PEX7: variants seen among roughly 807,000 people sequenced by gnomAD.
PEX7 encodes peroxisomal biogenesis factor 7.
In PEX7, 34 loss-of-function variants were observed where a neutral mutation model predicts 47.5. The ratio of observed to expected loss-of-function variants is 0.72; its 90% CI spans 0.54 to 0.95. The LOEUF (loss-of-function observed/expected upper bound fraction) is 0.95. PEX7 is among the 40% of genes least tolerant of loss of function. The pLI is 0.00. For missense variants in PEX7, 394 were observed against 400.3 expected (o/e 0.98, Z 0.13); for synonymous variants, 141 against 148.8 (o/e 0.95, Z 0.38).
chr6:136,902,964 T>C (rs1240171610), intron 9 of PEX7, among the ~76,000 whole-genome samples: 2 of 152,198 alleles, frequency 1.3e-5, no homozygotes, highest in Non-Finnish European at 2.9e-5. Context: ...GACAAAATTT[T>C]GGAAATTACA....
In PEX7 at chr6:136,896,216, A is replaced by G. The variant is rs528231600; in HGVS notation, c.804-1926A>G. Among the ~76,000 whole-genome samples, 13 of 152,324 alleles carry G rather than the reference A, an allele frequency of 8.5e-5. No homozygotes were observed. The East Asian group carries it at 2.3e-3, about 27-fold the overall frequency. The stretch of plus-strand genomic sequence containing the variant: ...ATTCTCGTTGTTTTGTATTATCCTT[A>G]CGTTCTAAAAGAAACCAGTTTTTAT... On this transcript the variant is annotated intron_variant, in intron 8 of 9. Transcript: ENST00000318471.
At chr6:136,831,166 C>G (rs899605951) in intron 3 of PEX7, among the ~76,000 whole-genome samples, 1 of 152,054 alleles carries the variant, frequency 6.6e-6, no homozygotes, top group Admixed American at 6.6e-5. Flanking sequence ...ACTCACAGTT[C>G]CACATGACTG....
intron 8 of PEX7, among the ~76,000 whole-genome samples, chr6:136,876,971 C>A (rs574831839): frequency 6.6e-6 from 1 of 152,196 alleles, no homozygotes; most frequent in Admixed American, 6.5e-5. Context: ...TAAAAGCCTT[C>A]GTATTTCTCC....
intron 8 of PEX7, among the ~76,000 whole-genome samples, chr6:136,886,671 A>C (rs1247024793): frequency 6.6e-6 from 1 of 152,176 alleles, no homozygotes; most frequent in African/African-American, 2.4e-5. Context: ...GTGAAGTAGG[A>C]GAGTGAACCT....
At chr6:136,904,823 T>C (rs910905264) in intron 9 of PEX7, among the ~76,000 whole-genome samples, 1 of 152,170 alleles carries the variant, frequency 6.6e-6, no homozygotes, top group Non-Finnish European at 1.5e-5. Flanking sequence ...CTTGCAATTA[T>C]GGCATCCCTT....
At chr6:136,837,029 T>G (rs552268295) in intron 3 of PEX7, among the ~76,000 whole-genome samples, 2 of 151,948 alleles carry the variant, frequency 1.3e-5, no homozygotes, top group Non-Finnish European at 2.9e-5. Context: ...TTGAAACTCA[T>G]ATGTACCTTG....
chr6:136,838,027 A>G (rs1334613132), intron 3 of PEX7, among the ~76,000 whole-genome samples: 1 of 152,218 alleles, frequency 6.6e-6, no homozygotes. Context: ...AAAATAGTTG[A>G]TAAGAAAAGT....
chr6:136,837,043 G>A (rs1007761534), intron 3 of PEX7, among the ~76,000 whole-genome samples: 2 of 151,910 alleles, frequency 1.3e-5, no homozygotes, highest in African/African-American at 4.8e-5. Flanking sequence ...TACCTTGTAG[G>A]ATAAGGCATA....
At chr6:136,847,748 C>A (rs960424381) in intron 5 of PEX7, among the ~76,000 whole-genome samples, 12 of 152,142 alleles carry the variant, frequency 7.9e-5, no homozygotes, top group Admixed American at 3.9e-4. Flanking sequence ...ATTACTGTAG[C>A]CTTGTAGTAT....
intron 8 of PEX7, among the ~76,000 whole-genome samples, chr6:136,892,625 C>A (rs904587620): frequency 1.3e-5 from 2 of 152,138 alleles, no homozygotes; most frequent in African/African-American, 4.8e-5. Flanking sequence ...CTTTGGTTGA[C>A]CATGTGGCAG....
intron 5 of PEX7, among the ~76,000 whole-genome samples, chr6:136,847,551 CT>C (rs1482304571): frequency 2.6e-5 from 4 of 151,400 alleles, no homozygotes; most frequent in African/African-American, 9.7e-5. Context: ...CCAGTTTCAG[CT>C]TTCTACATAT....
Position 136,822,622 on chromosome 6 carries a change from G to A in PEX7, c.-44G>A, listed in dbSNP as rs1205307245. The A allele has an allele frequency of 6.1e-5, 93 of 1,512,764 alleles. No individual in the cohort carries two copies. Among genetic ancestry groups the A allele is most frequent in the Non-Finnish European group, 7.6e-5 (86 of 1,129,912 alleles). 93.7% of individuals were successfully genotyped at this position (1,512,764 alleles called of 1,614,324 possible). A position where few individuals can be genotyped will look rare whatever the true frequency, so the allele number is the denominator to read the frequency against. ...CGCCAGTGTGCCTCCGACTCGGAAC[G>A]GCTTCCGCGGCCGGGGCAGCGAGGG... On this transcript the variant is annotated 5_prime_UTR_variant, in exon 1 of 10. Coordinates refer to ENST00000318471, the MANE Select transcript of PEX7 (RefSeq NM_000288.4).
At chr6:136,823,469 G>T (rs889430254) in intron 1 of PEX7, 19 of 466,746 alleles carry the variant, frequency 4.1e-5, no homozygotes, top group Non-Finnish European at 5.3e-5. Context: ...GAGGCGGGAG[G>T]ATCGCTTGAG....
In PEX7 at chr6:136,866,658, G is replaced by A. The variant is rs760551216; in HGVS notation, c.558G>A (p.Lys186=). 1.2e-6 allele frequency: 2 copies of A among 1,614,012 alleles called. No individual in the cohort carries two copies. Among genetic ancestry groups the A allele is most frequent in the Admixed American group, 1.7e-5 (1 of 60,014 alleles). The change falls in exon 6 of 10, where the codon AAG becomes AAA. Residue 186 remains lysine (K), a synonymous_variant. Coordinates refer to ENST00000318471, the MANE Select transcript of PEX7 (RefSeq NM_000288.4). ...AGACTCTGAGAATATGGGATGTGAA[G>A]GCAGCAGGAGTAAGAATCGTGATTC... The part of the protein sequence containing the change: ...GDQTLRIWDV[K]AAGVRIVIPA...
intron 9 of PEX7, among the ~76,000 whole-genome samples, chr6:136,907,149 T>G (rs1434392650): frequency 6.6e-6 from 1 of 152,180 alleles, no homozygotes; most frequent in East Asian, 1.9e-4. Flanking sequence ...TCTCCTCCTC[T>G]TCTTTCCTTC....
intron 8 of PEX7, among the ~76,000 whole-genome samples, chr6:136,872,881 G>A (rs1775206906): frequency 6.6e-6 from 1 of 151,994 alleles, no homozygotes; most frequent in South Asian, 2.1e-4. Context: ...AAGTAGTTCA[G>A]AATTGCAAAG....
chr6:136,908,766 T>C (rs1441365327), intron 9 of PEX7, among the ~76,000 whole-genome samples: 1 of 152,224 alleles, frequency 6.6e-6, no homozygotes, highest in Admixed American at 6.5e-5. Context: ...GGAGTTATAA[T>C]GCAATTATAA....
At chr6:136,882,715 A>T (rs1775398627) in intron 8 of PEX7, among the ~76,000 whole-genome samples, 1 of 152,028 alleles carries the variant, frequency 6.6e-6, no homozygotes. Context: ...TCAGGACTTT[A>T]CGCCGTGAAG....
chr6:136,839,921 A>T (rs1774464429), intron 3 of PEX7, among the ~76,000 whole-genome samples: 1 of 152,136 alleles, frequency 6.6e-6, no homozygotes, highest in Admixed American at 6.6e-5. Flanking sequence ...AGCGCTGTGA[A>T]TGTATGCAGT....
Sources: allele counts gnomAD v4.1 joint callset (sites outside exome capture counted in the v4.1 genomes callset), GRCh38; gene constraint gnomAD v4.1.1; transcripts MANE v1.5; gene names NCBI Gene and HGNC (gene_info 2026-07-23, HGNC 2026-07-21).